The following EEPD1 variants were observed in gnomAD, a reference collection of about 807,000 sequenced individuals.
EEPD1 encodes the protein endonuclease/exonuclease/phosphatase family domain containing 1.
In EEPD1, 17 loss-of-function variants were observed where a neutral mutation model predicts 46.3. The ratio of observed to expected loss-of-function variants is 0.37; its 90% CI spans 0.25 to 0.55. The LOEUF (loss-of-function observed/expected upper bound fraction) is 0.55, where lower values mean the gene tolerates loss of function less well. Ranked by LOEUF, EEPD1 falls within the 20% of genes least tolerant of loss-of-function variation. The pLI is 0.83. For missense variants in EEPD1, 673 were observed against 745.6 expected, an observed-to-expected ratio of 0.90 and a Z score of 1.13; for synonymous variants, 313 against 315.6, an observed-to-expected ratio of 0.99 and a Z score of 0.09.
intron 2 of EEPD1, among the ~76,000 whole-genome samples, chr7:36,184,765 C>G (rs1055117563): frequency 2.0e-5 from 3 of 152,092 alleles, no homozygotes; most frequent in East Asian, 1.9e-4. Context: ...GGGTCTCGCT[C>G]TGTCACCCAG....
chr7:36,268,136 G>T (rs377607001), intron 3 of EEPD1, among the ~76,000 whole-genome samples: 1 of 152,062 alleles, frequency 6.6e-6, no homozygotes, highest in East Asian at 1.9e-4. Context: ...GCCCCCGTTT[G>T]GTGCTTGTTA....
intron 2 of EEPD1, among the ~76,000 whole-genome samples, chr7:36,187,045 CCTT>C (rs1244068335): frequency 1.1e-5 from 1 of 93,326 alleles, no homozygotes; most frequent in Admixed American, 1.3e-4. Context: ...TTCACCTTGT[CCTT>C]CTTGGTTTGC....
chr7:36,231,322 C>T (rs1228302392), intron 2 of EEPD1, among the ~76,000 whole-genome samples: 2 of 152,216 alleles, frequency 1.3e-5, no homozygotes, highest in Non-Finnish European at 2.9e-5. Context: ...GACTTCAGAA[C>T]TTGCCCTTCA....
At chr7:36,257,725 A>G (rs371174104) in intron 3 of EEPD1, among the ~76,000 whole-genome samples, 3 of 152,118 alleles carry the variant, frequency 2.0e-5, no homozygotes, top group South Asian at 2.1e-4. Context: ...CAATTCCTCT[A>G]ACCTTTTTTC....
chr7:36,243,348 C>T (rs151304630), intron 3 of EEPD1, among the ~76,000 whole-genome samples: 3 of 151,666 alleles, frequency 2.0e-5, no homozygotes, highest in African/African-American at 4.9e-5. Flanking sequence ...AAGTAAACAC[C>T]GTCATTCTAT....
Position 36,172,616 on chromosome 7 carries a change from A to G in EEPD1, c.878+17414A>G, listed in dbSNP as rs1785103894. 4.0e-5 allele frequency among the ~76,000 whole-genome samples: 4 copies of G among 99,284 alleles called. No individual in the cohort carries two copies. The Admixed American group carries it at 5.3e-4, about 13-fold the overall frequency. 65.1% of individuals were successfully genotyped at this position (99,284 alleles called of 152,430 possible). Reference sequence around the variant, plus strand: ...TTATAAACTTTCTTAAAATATTATGAGTTTTTTTTTTTTTTTTTTTTTTTT... The same window carrying G: ...TTATAAACTTTCTTAAAATATTATGGGTTTTTTTTTTTTTTTTTTTTTTTT... On this transcript the variant is annotated intron_variant, in intron 2 of 7. Coordinates refer to ENST00000242108, the MANE Select transcript of EEPD1 (RefSeq NM_030636.3).
intron 2 of EEPD1, among the ~76,000 whole-genome samples, chr7:36,164,968 T>C (rs1448891405): frequency 6.6e-6 from 1 of 152,146 alleles, no homozygotes; most frequent in Non-Finnish European, 1.5e-5. Context: ...ATTACAAAAG[T>C]CAAAAGATTA....
intron 6 of EEPD1, among the ~76,000 whole-genome samples, chr7:36,295,670 G>T (rs930092784): frequency 2.0e-5 from 3 of 152,174 alleles, no homozygotes; most frequent in South Asian, 2.1e-4. Flanking sequence ...TGGAAAGCAG[G>T]CTGGCAGTAT....
intron 3 of EEPD1, among the ~76,000 whole-genome samples, chr7:36,271,812 T>G (rs1465881046): frequency 4.0e-5 from 1 of 24,990 alleles, no homozygotes; most frequent in Non-Finnish European, 9.5e-5. Context: ...TTCTATTCTA[T>G]TCTATTCTAT....
chr7:36,234,815 AGT>A lies in EEPD1; in HGVS notation c.879-4167_879-4166del, dbSNP rs1312763027. The stretch of plus-strand genomic sequence containing the variant: ...CAGTGAGCATTCTGGGTGGGCAGGG[AGT>A]GTCGTCACACCATCCATAGCTGACC... On this transcript the variant is annotated intron_variant, in intron 2 of 7. Coordinates refer to ENST00000242108, the MANE Select transcript of EEPD1 (RefSeq NM_030636.3). Among the ~76,000 whole-genome samples, 11 of 152,174 alleles carry A rather than the reference AGT, an allele frequency of 7.2e-5. No individual in the cohort carries two copies. The East Asian group carries it at 1.7e-3, about 24-fold the overall frequency.
chr7:36,230,460 C>T (rs1350051285), intron 2 of EEPD1, among the ~76,000 whole-genome samples: 1 of 152,204 alleles, frequency 6.6e-6, no homozygotes, highest in Non-Finnish European at 1.5e-5. Context: ...GTTCCTACCT[C>T]CTACCTTCAG....
chr7:36,296,884 C>G, intron 6 of EEPD1, 109 bp from the exon 7 acceptor site: 1 of 1,099,816 alleles, frequency 9.1e-7, no homozygotes, highest in Non-Finnish European at 1.3e-6. Flanking sequence ...AGTACTAACC[C>G]CATGGGAGTC....
chr7:36,211,221 G>C (rs1348037407), intron 2 of EEPD1, among the ~76,000 whole-genome samples: 1 of 152,138 alleles, frequency 6.6e-6, no homozygotes, highest in African/African-American at 2.4e-5. Flanking sequence ...CACATTCTGT[G>C]GCATGGTAAA....
intron 2 of EEPD1, among the ~76,000 whole-genome samples, chr7:36,210,944 G>A (rs920194389): frequency 6.6e-6 from 1 of 152,162 alleles, no homozygotes; most frequent in Non-Finnish European, 1.5e-5. Flanking sequence ...GCCTGCATTT[G>A]CATCTGGCTT....
chr7:36,293,919 G>T (rs190692131), intron 6 of EEPD1, among the ~76,000 whole-genome samples: 1 of 151,768 alleles, frequency 6.6e-6, no homozygotes, highest in Non-Finnish European at 1.5e-5. Context: ...AGCCGAGATC[G>T]TGCCACTGTA....
chr7:36,221,593 A>T (rs2110813), intron 2 of EEPD1, among the ~76,000 whole-genome samples: 16,708 of 152,242 alleles, frequency 0.11, 1,239 homozygotes, highest in Non-Finnish European at 0.17. Flanking sequence ...TAACAGGAAC[A>T]TTTTCAGGTT....
rs1784772891 is a variant in EEPD1, at chr7:36,154,190, T to C, written c.-135T>C. 3.6e-6 allele frequency: 4 copies of C among 1,117,714 alleles called. No individual in the cohort carries two copies. Among genetic ancestry groups the C allele is most frequent in the Non-Finnish European group, 4.9e-6 (4 of 810,610 alleles). 69.2% of individuals were successfully genotyped at this position (1,117,714 alleles called of 1,614,324 possible). ...AGGCATGGAAGATTCGGTGTTTGTC[T>C]ATAGTAACCTCTTCAGTCCCTGAAT... On this transcript the variant is annotated 5_prime_UTR_variant, in exon 2 of 8. Transcript: ENST00000242108. This position sits in a 1 kb window ranked among gnomAD's most constrained non-coding sequence, Gnocchi z 4.2.
chr7:36,165,197 C>T (rs998688630), intron 2 of EEPD1, among the ~76,000 whole-genome samples: 4 of 152,144 alleles, frequency 2.6e-5, no homozygotes, highest in Admixed American at 6.5e-5. Context: ...ATGGCAAGTG[C>T]CCTACACAGT....
chr7:36,183,372 G>A (rs1428357888), intron 2 of EEPD1, among the ~76,000 whole-genome samples: 1 of 152,166 alleles, frequency 6.6e-6, no homozygotes, highest in Non-Finnish European at 1.5e-5. Flanking sequence ...CTCCCTGTGA[G>A]ATCAGCCTGA....
Sources: allele counts gnomAD v4.1 joint callset (sites outside exome capture counted in the v4.1 genomes callset), GRCh38; gene constraint gnomAD v4.1.1; non-coding constraint Gnocchi (gnomAD v3.1); transcripts MANE v1.5; gene names NCBI Gene and HGNC (gene_info 2026-07-23, HGNC 2026-07-21).